Variants in SYN3 observed in about 807,000 individuals in gnomAD.
SYN3 encodes synapsin-3.
A neutral mutation model predicts 65.8 loss-of-function variants in SYN3; 35 were observed. The observed-to-expected ratio is 0.53, with a 90% CI of 0.41 to 0.70. SYN3 has a LOEUF of 0.70. SYN3 is among the 30% of genes least tolerant of loss of function. SYN3 has a pLI of 0.00. For missense variants in SYN3, 680 were observed against 749.0 expected (o/e 0.91, Z 1.08); for synonymous variants, 270 against 292.9 (o/e 0.92, Z 0.80).
chr22:32,903,681 C>T (rs753847537), intron 4 of SYN3, among the ~76,000 whole-genome samples: 3 of 152,238 alleles, frequency 2.0e-5, no homozygotes, highest in Non-Finnish European at 2.9e-5. Context: ...GGGCAGCCTT[C>T]CAGGTACCCA....
At position 32,511,201 on chromosome 22, in the gene SYN3, T is replaced by C. The variant is rs574844173; in HGVS notation, c.*2491A>G. On this transcript the variant is annotated 3_prime_UTR_variant, in exon 14 of 14. Transcript: ENST00000358763. Reference sequence around the variant, plus strand: ...GCTTTCTTCAGAAATTCCAAGGGAGTGGTGAAAGAATTAAGTGAGCAGCAG... The same window carrying C: ...GCTTTCTTCAGAAATTCCAAGGGAGCGGTGAAAGAATTAAGTGAGCAGCAG... 6.6e-6 allele frequency among the ~76,000 whole-genome samples: 1 copy of C among 151,850 alleles called. No homozygotes were observed. Among genetic ancestry groups the C allele is most frequent in the Non-Finnish European group, 1.5e-5 (1 of 67,944 alleles).
intron 6 of SYN3, among the ~76,000 whole-genome samples, chr22:32,844,638 G>A (rs1569270302): frequency 6.6e-6 from 1 of 151,764 alleles, no homozygotes; most frequent in Non-Finnish European, 1.5e-5. Context: ...ATCCTAGTTA[G>A]TTTCTTCTTA....
At chr22:32,978,386 G>C (rs2052271508) in intron 3 of SYN3, among the ~76,000 whole-genome samples, 1 of 152,150 alleles carries the variant, frequency 6.6e-6, no homozygotes, top group African/African-American at 2.4e-5. Context: ...TTCATTGAGA[G>C]AGAGAATTAG....
intron 6 of SYN3, among the ~76,000 whole-genome samples, chr22:32,600,410 C>T (rs1006414476): frequency 9.9e-5 from 15 of 152,178 alleles, no homozygotes; most frequent in African/African-American, 2.4e-4. Context: ...CACTTACCCA[C>T]GGCTCACCTT....
chr22:32,752,595 C>T (rs533907427), intron 6 of SYN3, among the ~76,000 whole-genome samples: 3 of 152,332 alleles, frequency 2.0e-5, no homozygotes, highest in South Asian at 2.1e-4. Flanking sequence ...TGCCGCGTGC[C>T]GGGGCTCTGC....
intron 6 of SYN3, among the ~76,000 whole-genome samples, chr22:32,630,048 A>G (rs533389204): frequency 5.3e-5 from 8 of 149,696 alleles, no homozygotes; most frequent in African/African-American, 2.0e-4. Context: ...CGGTGGCGCG[A>G]TCTCGGCTCA....
chr22:32,958,182 G>A (rs149856991), intron 3 of SYN3, among the ~76,000 whole-genome samples: 2,194 of 151,956 alleles, frequency 0.014, 25 homozygotes, highest in Non-Finnish European at 0.021. Flanking sequence ...AAAACATCCC[G>A]TAAACGTAGC....
At chr22:32,931,151 T>C (rs1035649810) in intron 4 of SYN3, 2 of 415,698 alleles carry the variant, frequency 4.8e-6, no homozygotes, top group Admixed American at 7.1e-5. Flanking sequence ...AAGCCAGAAA[T>C]GGAACCCAAG....
rs2046559209 is a variant in SYN3 at position 32,801,082 on chromosome 22, T to G, written c.711+63833A>C. Among the ~76,000 whole-genome samples, 1 of 152,196 alleles carries G rather than the reference T, an allele frequency of 6.6e-6. No individual in the cohort carries two copies. Among genetic ancestry groups the G allele is most frequent in the African/African-American group, 2.4e-5 (1 of 41,442 alleles). On this transcript the variant is annotated intron_variant, in intron 6 of 13. Transcript: ENST00000358763. This position sits in a 1 kb window ranked among gnomAD's most constrained non-coding sequence, Gnocchi z 4.7. Reference sequence around the variant, plus strand: ...TGAATGAATACAGAACCCCGTTTGCTCTGGGAGAGCACAGAAAACAGTCTT... The same window carrying G: ...TGAATGAATACAGAACCCCGTTTGCGCTGGGAGAGCACAGAAAACAGTCTT...
chr22:32,641,100 C>A lies in SYN3; in HGVS notation c.712-44364G>T, dbSNP rs1220958801. Among the ~76,000 whole-genome samples, 4 of 152,174 alleles carry A rather than the reference C, an allele frequency of 2.6e-5. No homozygotes were observed. In the East Asian group the frequency reaches 7.7e-4, roughly 29 times the overall value. The stretch of plus-strand genomic sequence containing the variant: ...TGATTATGAAGAGTAAATGTGGTCC[C>A]ATGGCATCATCATATATGAGAAACA... On this transcript the variant is annotated intron_variant, in intron 6 of 13. Transcript: ENST00000358763.
chr22:32,687,158 A>ATTTATT (rs1354181448), intron 6 of SYN3, among the ~76,000 whole-genome samples: 1 of 149,372 alleles, frequency 6.7e-6, no homozygotes, highest in Admixed American at 6.8e-5. Context: ...TTATTTATTT[A>ATTTATT]TTTATTTTTA....
At chr22:33,054,380 AC>A (rs1297982908) in intron 1 of SYN3, among the ~76,000 whole-genome samples, 1 of 152,070 alleles carries the variant, frequency 6.6e-6, no homozygotes, top group Non-Finnish European at 1.5e-5. Flanking sequence ...CATCCACCCA[AC>A]TTTTGTTTGT....
chr22:32,725,521 T>A (rs568341198), intron 6 of SYN3, among the ~76,000 whole-genome samples: 4 of 152,288 alleles, frequency 2.6e-5, no homozygotes, highest in South Asian at 4.1e-4. Flanking sequence ...GATCTTGAGA[T>A]GGAGAGATTA....
At chr22:32,661,516 T>TTTTC (rs1330648504) in intron 6 of SYN3, among the ~76,000 whole-genome samples, 1 of 152,210 alleles carries the variant, frequency 6.6e-6, no homozygotes, top group Non-Finnish European at 1.5e-5. Context: ...ACTTTCTTTT[T>TTTTC]TTTCTTTCTT....
intron 6 of SYN3, among the ~76,000 whole-genome samples, chr22:32,607,148 A>G (rs2059384048): frequency 6.6e-6 from 1 of 151,824 alleles, no homozygotes; most frequent in Admixed American, 6.6e-5. Context: ...CAGTCTGCTC[A>G]TCTGTTCTTC....
At chr22:32,859,538 T>C in intron 6 of SYN3, 1 of 922,362 alleles carries the variant, frequency 1.1e-6, no homozygotes, top group Non-Finnish European at 1.6e-6. Context: ...TGGGGTTTAT[T>C]GGGAACTATC....
At chr22:32,525,990 G>A (rs1448299441) in intron 12 of SYN3, among the ~76,000 whole-genome samples, 1 of 152,134 alleles carries the variant, frequency 6.6e-6, no homozygotes, top group Non-Finnish European at 1.5e-5. Flanking sequence ...ACCCTGATCA[G>A]TAAGCAGCCA....
chr22:32,824,016 C>T (rs537583882), intron 6 of SYN3, among the ~76,000 whole-genome samples: 73 of 152,278 alleles, frequency 4.8e-4, no homozygotes, highest in African/African-American at 9.6e-4. Context: ...CGGTGACTCA[C>T]GCCTGTAATC....
intron 3 of SYN3, among the ~76,000 whole-genome samples, chr22:32,968,423 A>C (rs1284198954): frequency 1.3e-5 from 2 of 152,324 alleles, no homozygotes; most frequent in East Asian, 1.9e-4. Flanking sequence ...CAGCCTGTGC[A>C]TTCTAAAATG....
Sources: gnomAD v4.1 joint callset for allele counts (sites outside exome capture counted in the v4.1 genomes callset) on GRCh38, gnomAD v4.1.1 for gene constraint, Gnocchi (gnomAD v3.1) non-coding constraint, MANE v1.5 for transcripts, NCBI Gene and HGNC (gene_info 2026-07-23, HGNC 2026-07-21) for gene names.